The following ZNF385B variants were observed in gnomAD, a reference collection of about 807,000 sequenced individuals.
The protein encoded by ZNF385B is zinc finger protein 533.
In ZNF385B, 23 loss-of-function variants were observed where a neutral mutation model predicts 39.2. That is an observed-to-expected ratio of 0.59 (90% CI 0.42 to 0.83). The LOEUF (loss-of-function observed/expected upper bound fraction) is 0.83. ZNF385B is among the 40% of genes least tolerant of loss of function. ZNF385B has a pLI of 0.00. For missense variants in ZNF385B, 552 were observed against 598.9 expected (o/e 0.92, Z 0.82); for synonymous variants, 205 against 222.6 (o/e 0.92, Z 0.70).
chr2:179,821,736 G>A (rs918706938), intron 1 of ZNF385B, among the ~76,000 whole-genome samples: 1 of 151,910 alleles, frequency 6.6e-6, no homozygotes, highest in Non-Finnish European at 1.5e-5. Flanking sequence ...TCTCAGTTCT[G>A]CCTTGACTAT....
In ZNF385B at chr2:179,694,956, AGAGGAGGAGGAGGAG is replaced by A. The variant is rs71994313; in HGVS notation, c.298+74532_298+74546del. 2.5e-3 allele frequency among the ~76,000 whole-genome samples: 375 copies of A among 148,700 alleles called. 1 individual carries two copies. The highest frequency in any genetic ancestry group is 0.01 in the Middle Eastern group (3 of 290). ...AAAAAGAAAAAAGAAAAAAGAAAGA[AGAGGAGGAGGAGGAG>A]GAGGAGGAGGAGGAGGAGAAGAAAA... On this transcript the variant is annotated intron_variant, in intron 3 of 9. Transcript: ENST00000410066.
chr2:179,663,395 G>T (rs769856238), intron 3 of ZNF385B, among the ~76,000 whole-genome samples: 2 of 152,088 alleles, frequency 1.3e-5, no homozygotes, highest in African/African-American at 2.4e-5. Context: ...CTTTCATCAA[G>T]GAGAGCAATT....
At chr2:179,816,355 G>A (rs934077135) in intron 1 of ZNF385B, among the ~76,000 whole-genome samples, 3 of 152,104 alleles carry the variant, frequency 2.0e-5, no homozygotes, top group Non-Finnish European at 4.4e-5. Flanking sequence ...CTTGGTCCCC[G>A]CCGAAGGGAC....
chr2:179,528,033 TCA>T (rs1430595514), intron 4 of ZNF385B, among the ~76,000 whole-genome samples: 1 of 152,180 alleles, frequency 6.6e-6, no homozygotes, highest in East Asian at 1.9e-4. Flanking sequence ...CCACTGTAAT[TCA>T]GATACTTTTA....
chr2:179,731,903 C>T (rs1189132028), intron 3 of ZNF385B, among the ~76,000 whole-genome samples: 3 of 152,322 alleles, frequency 2.0e-5, no homozygotes, highest in East Asian at 1.9e-4. Context: ...GCCTGCTTTG[C>T]CAACTCTTAT....
At chr2:179,455,311 A>G (rs2050563589) in intron 6 of ZNF385B, among the ~76,000 whole-genome samples, 1 of 151,988 alleles carries the variant, frequency 6.6e-6, no homozygotes, top group South Asian at 2.1e-4. Flanking sequence ...ATCTTGAGTT[A>G]TAGTTCCCAT....
chr2:179,725,823 A>G (rs1356662397), intron 3 of ZNF385B, among the ~76,000 whole-genome samples: 2 of 150,704 alleles, frequency 1.3e-5, no homozygotes, highest in African/African-American at 4.9e-5. Context: ...CTATATAGAT[A>G]TACATCTCAG....
intron 4 of ZNF385B, among the ~76,000 whole-genome samples, chr2:179,526,434 A>G (rs2058903635): frequency 6.6e-6 from 1 of 151,954 alleles, no homozygotes; most frequent in Non-Finnish European, 1.5e-5. Context: ...TACTAAAAAA[A>G]AAAATACAGA....
chr2:179,546,931 AGAT>A (rs1314176151), intron 3 of ZNF385B, among the ~76,000 whole-genome samples: 1 of 149,898 alleles, frequency 6.7e-6, no homozygotes, highest in African/African-American at 2.5e-5. Flanking sequence ...AACTGGGGTG[AGAT>A]GATATCTCAT....
At chr2:179,755,773 T>C (rs1194458070) in intron 3 of ZNF385B, among the ~76,000 whole-genome samples, 3 of 152,206 alleles carry the variant, frequency 2.0e-5, no homozygotes, top group African/African-American at 7.2e-5. Flanking sequence ...TTTTCTGTTT[T>C]CCATTTGCTT....
intron 3 of ZNF385B, among the ~76,000 whole-genome samples, chr2:179,603,375 A>C (rs1688555961): frequency 6.6e-6 from 1 of 152,230 alleles, no homozygotes; most frequent in South Asian, 2.1e-4. Context: ...AAGGCAGCCC[A>C]GATTAGTTTG....
At chr2:179,520,960 T>G (rs2058445559) in intron 4 of ZNF385B, among the ~76,000 whole-genome samples, 1 of 152,178 alleles carries the variant, frequency 6.6e-6, no homozygotes, top group Admixed American at 6.5e-5. Context: ...AATTAAAACT[T>G]TCCTCAAAGT....
rs573515253 is a variant in ZNF385B, at chr2:179,710,731, T to C, written c.298+58772A>G. ...CACTAAACATCTCCCCGTCCACCCA[T>C]AGACGGTGTGGTGTGCAGCAAACCT... On this transcript the variant is annotated intron_variant, in intron 3 of 9. Transcript: ENST00000410066. 2.6e-5 allele frequency among the ~76,000 whole-genome samples: 4 copies of C among 152,254 alleles called. No individual in the cohort carries two copies. The South Asian group carries it at 8.3e-4, about 32-fold the overall frequency.
At chr2:179,462,519 C>T (rs2051452474) in intron 6 of ZNF385B, among the ~76,000 whole-genome samples, 1 of 151,930 alleles carries the variant, frequency 6.6e-6, no homozygotes, top group African/African-American at 2.4e-5. Context: ...CTGATAGAAG[C>T]CACCAACTGA....
At chr2:179,847,300 A>G (rs1230280375) in intron 1 of ZNF385B, among the ~76,000 whole-genome samples, 2 of 152,214 alleles carry the variant, frequency 1.3e-5, no homozygotes, top group Admixed American at 1.3e-4. Flanking sequence ...CTTCTTCCAA[A>G]GCCCCAGATT....
intron 3 of ZNF385B, among the ~76,000 whole-genome samples, chr2:179,641,945 C>T (rs976297007): frequency 4.4e-4 from 67 of 152,122 alleles, no homozygotes; most frequent in East Asian, 1.9e-4. Context: ...GTGGGAACAA[C>T]GTGTGGCTCC....
At chr2:179,652,747 T>G (rs1693306969) in intron 3 of ZNF385B, among the ~76,000 whole-genome samples, 2 of 151,980 alleles carry the variant, frequency 1.3e-5, no homozygotes, top group Admixed American at 1.3e-4. Flanking sequence ...AAGTAATTTT[T>G]TGAATGAATG....
chr2:179,750,168 C>T (rs377129264), intron 3 of ZNF385B, among the ~76,000 whole-genome samples: 7 of 152,070 alleles, frequency 4.6e-5, no homozygotes, highest in African/African-American at 7.2e-5. Flanking sequence ...CCATTGAAAA[C>T]GGCTGGAGCT....
intron 3 of ZNF385B, 89 bp from the exon 4 acceptor site, chr2:179,545,058 C>A: frequency 6.5e-7 from 1 of 1,541,202 alleles, no homozygotes; most frequent in Non-Finnish European, 8.9e-7. Context: ...GTCTGTTGAG[C>A]TGCAACTTGC....
Sources: allele counts gnomAD v4.1 joint callset (sites outside exome capture counted in the v4.1 genomes callset), GRCh38; gene constraint gnomAD v4.1.1; transcripts MANE v1.5; gene names NCBI Gene and HGNC (gene_info 2026-07-23, HGNC 2026-07-21).